The following CDH23 variants were observed in gnomAD, a reference collection of about 807,000 sequenced individuals.
The protein encoded by CDH23 is cadherin-23.
CDH23 carries 189 observed loss-of-function variants against 317.1 expected under a neutral mutation model. That is an observed-to-expected ratio of 0.60 (90% CI 0.53 to 0.67). The LOEUF is 0.67. Ranked by LOEUF, CDH23 falls within the 30% of genes least tolerant of loss-of-function variation. The probability of loss-of-function intolerance (pLI) is 0.00; values close to 1 mark genes in which losing one functional copy is unlikely to be tolerated. For missense variants in CDH23, 4,401 were observed against 4,592.4 expected (o/e 0.96, Z 1.20); for synonymous variants, 1,839 against 1,876.8 (o/e 0.98, Z 0.52).
chr10:71,726,478 C>T (rs1866817806), intron 30 of CDH23, among the ~76,000 whole-genome samples: 1 of 152,204 alleles, frequency 6.6e-6, no homozygotes, highest in Non-Finnish European at 1.5e-5. Flanking sequence ...GACCCAGCTC[C>T]TGCTGACACC....
chr10:71,599,426 A>T (rs1368411538), intron 9 of CDH23, among the ~76,000 whole-genome samples: 1 of 152,140 alleles, frequency 6.6e-6, no homozygotes, highest in Non-Finnish European at 1.5e-5. Flanking sequence ...TTAGGGTGAA[A>T]ATGGCATGTT....
At chr10:71,729,667 A>T (rs1839290048) in intron 30 of CDH23, among the ~76,000 whole-genome samples, 1 of 152,182 alleles carries the variant, frequency 6.6e-6, no homozygotes, top group South Asian at 2.1e-4. Context: ...CTGAGCACTG[A>T]CATTCTCTAC....
In CDH23 at chr10:71,702,463, C is replaced by T. The variant is rs144705891; in HGVS notation, c.2588-86C>T. On this transcript the variant is annotated intron_variant, in intron 23 of 69. Transcript: ENST00000224721. ...GATGGAGGGCTCTGAATCTGCCACC[C>T]TCTCACCACTTGCCTTCTTCCTGTC... The T allele has an allele frequency of 3.9e-6, 6 of 1,544,266 alleles. No individual in the cohort carries two copies. In the East Asian group the frequency reaches 9.0e-5, roughly 23 times the overall value.
At chr10:71,773,340 C>T (rs770380077) in intron 38 of CDH23, 8 of 1,596,266 alleles carry the variant, frequency 5.0e-6, no homozygotes, top group Non-Finnish European at 6.0e-6. Context: ...CCCAGCGCCC[C>T]GCCTCCCCCG....
Position 71,619,565 on chromosome 10 carries a change from G to A in CDH23, c.1134+2172G>A, listed in dbSNP as rs564567280. 4.6e-5 allele frequency among the ~76,000 whole-genome samples: 7 copies of A among 152,300 alleles called. No homozygotes were observed. The East Asian group carries it at 7.7e-4, about 17-fold the overall frequency. On this transcript the variant is annotated intron_variant, in intron 11 of 69. Coordinates refer to ENST00000224721, the MANE Select transcript of CDH23 (RefSeq NM_022124.6). The stretch of plus-strand genomic sequence containing the variant: ...AGAGAAGAGAAATGTGGATACCAGC[G>A]TGGGGTCCAGGTCCAGTGACCACAG...
intron 9 of CDH23, among the ~76,000 whole-genome samples, chr10:71,600,293 T>A (rs1031810488): frequency 6.6e-6 from 1 of 151,936 alleles, no homozygotes; most frequent in Non-Finnish European, 1.5e-5. Context: ...TGAGCGACCG[T>A]ACCCGGCCAC....
chr10:71,585,845 G>A (rs1859020492), intron 9 of CDH23, among the ~76,000 whole-genome samples: 1 of 152,176 alleles, frequency 6.6e-6, no homozygotes, highest in African/African-American at 2.4e-5. Context: ...ATGAGGTCCT[G>A]TATGCTCTTT....
chr10:71,805,194 T>C (rs1353394381), intron 55 of CDH23, among the ~76,000 whole-genome samples: 1 of 152,206 alleles, frequency 6.6e-6, no homozygotes, highest in Non-Finnish European at 1.5e-5. Context: ...TTCGAGATCT[T>C]GGACTTAGCT....
intron 6 of CDH23, among the ~76,000 whole-genome samples, chr10:71,528,508 C>T (rs1047373420): frequency 2.6e-5 from 4 of 152,172 alleles, no homozygotes; most frequent in Admixed American, 6.5e-5. Flanking sequence ...AGCCGGCCTG[C>T]GGCAGACACA....
At position 71,761,746 on chromosome 10, in the gene CDH23, C is replaced by T. The variant is rs1034459689; in HGVS notation, c.4846-15934C>T. 8.7e-6 allele frequency: 14 copies of T among 1,613,992 alleles called. No homozygotes were observed. In the African/African-American group the frequency reaches 9.3e-5, roughly 11 times the overall value. On this transcript the variant is annotated intron_variant, in intron 38 of 69. Coordinates refer to ENST00000224721, the MANE Select transcript of CDH23 (RefSeq NM_022124.6). ...AGAAGTTGCCATGGTGGTCGGAGGC[C>T]GACTCCAGCCCGTGGCGCTGAGCCA... is the stretch of plus-strand genomic sequence containing the variant.
chr10:71,682,560 C>A lies in CDH23; in HGVS notation c.1974C>A (p.Thr658=). ...CTCTCAACAGCACCGTCCCTGTCACCATCGAGGTGTTTGTAAGTACCCAGG... is the reference window on the plus strand; with the variant it reads ...CTCTCAACAGCACCGTCCCTGTCACAATCGAGGTGTTTGTAAGTACCCAGG... ...NPPLNSTVPV[T]IEVFDENDNP... Residue 658 remains threonine (T), a synonymous_variant, in exon 18 of 70, where the codon ACC becomes ACA. Transcript: ENST00000224721. 1 of 1,613,416 alleles carries A rather than the reference C, an allele frequency of 6.2e-7. No homozygotes were observed. Among genetic ancestry groups the A allele is most frequent in the South Asian group, 1.1e-5 (1 of 90,846 alleles).
chr10:71,690,308 T>C (rs1475671179), intron 19 of CDH23, among the ~76,000 whole-genome samples, 160 bp from the exon 20 acceptor site: 1 of 152,150 alleles, frequency 6.6e-6, no homozygotes, highest in Non-Finnish European at 1.5e-5. Context: ...CCCAGGGATG[T>C]CGCAACAGGC....
intron 3 of CDH23, among the ~76,000 whole-genome samples, chr10:71,456,002 G>A (rs1304449149): frequency 6.6e-6 from 1 of 152,058 alleles, no homozygotes; most frequent in Non-Finnish European, 1.5e-5. Flanking sequence ...GCAGTCACTG[G>A]TGCCTCCAGG....
intron 6 of CDH23, among the ~76,000 whole-genome samples, chr10:71,524,502 C>A (rs565483655): frequency 1.3e-5 from 2 of 152,306 alleles, no homozygotes; most frequent in East Asian, 3.9e-4. Flanking sequence ...GGATGCCTTG[C>A]TCAGGGCTAC....
chr10:71,595,478 A>T (rs1564676484), intron 9 of CDH23, among the ~76,000 whole-genome samples: 1 of 152,038 alleles, frequency 6.6e-6, no homozygotes, highest in Non-Finnish European at 1.5e-5. Flanking sequence ...TTACTCCACC[A>T]TCCTTGGACC....
At chr10:71,741,279 T>G (rs1408166602) in intron 37 of CDH23, among the ~76,000 whole-genome samples, 1 of 152,224 alleles carries the variant, frequency 6.6e-6, no homozygotes, top group East Asian at 1.9e-4. Flanking sequence ...CAATCTGCCC[T>G]GGCATTGCTG....
intron 9 of CDH23, among the ~76,000 whole-genome samples, chr10:71,603,614 G>A (rs1242610311): frequency 1.4e-5 from 2 of 145,814 alleles, no homozygotes; most frequent in African/African-American, 5.6e-5. Flanking sequence ...GCAGGCAGCA[G>A]GGGGGGCCTC....
chr10:71,810,401 A>T, intron 61 of CDH23, 71 bp from the exon 62 acceptor site: 1 of 1,412,238 alleles, frequency 7.1e-7, no homozygotes, highest in Non-Finnish European at 1.0e-6. Context: ...AGGGGTTCCT[A>T]AAAGAGGCCT....
At chr10:71,682,835 G>C (rs1456524778) in intron 18 of CDH23, among the ~76,000 whole-genome samples, 1 of 152,190 alleles carries the variant, frequency 6.6e-6, no homozygotes, top group African/African-American at 2.4e-5. Flanking sequence ...TGACTTCACT[G>C]GGGGCCCCAG....
Sources: gnomAD v4.1 joint callset for allele counts (sites outside exome capture counted in the v4.1 genomes callset) on GRCh38, gnomAD v4.1.1 for gene constraint, MANE v1.5 for transcripts, NCBI Gene and HGNC (gene_info 2026-07-23, HGNC 2026-07-21) for gene names.